RBFOX1: variants seen among roughly 807,000 people sequenced by gnomAD.
RBFOX1 encodes the protein RNA binding protein fox-1 homolog 1.
In RBFOX1, 8 loss-of-function variants were observed where a neutral mutation model predicts 57.7. That is an observed-to-expected ratio of 0.14 (90% CI 0.08 to 0.25). RBFOX1 has a LOEUF of 0.25. Ranked by LOEUF, RBFOX1 falls within the 10% of genes least tolerant of loss-of-function variation. RBFOX1 has a pLI of 1.00. For synonymous variants in RBFOX1, 326 were observed against 222.4 expected, an observed-to-expected ratio of 1.47 and a Z score of -4.15; for missense variants, 611 against 548.5, an observed-to-expected ratio of 1.11 and a Z score of -1.14.
chr16:7,308,728 C>T (rs1238785771), intron 4 of RBFOX1, among the ~76,000 whole-genome samples: 1 of 152,208 alleles, frequency 6.6e-6, no homozygotes, highest in Non-Finnish European at 1.5e-5. Context: ...GAAAGCGATT[C>T]TCAGTTCAGG....
At chr16:7,543,677 G>GTGTT (rs897476887) in intron 5 of RBFOX1, among the ~76,000 whole-genome samples, 7 of 7,198 alleles carry the variant, frequency 9.7e-4, no homozygotes, top group African/African-American at 5.4e-3. Flanking sequence ...CTGTGTGTGT[G>GTGTT]TGTGTGTGTG....
intron 14 of RBFOX1, chr16:7,693,473 AG>A (rs2077857615): frequency 2.5e-6 from 2 of 810,660 alleles, no homozygotes; most frequent in Non-Finnish European, 3.8e-6. Flanking sequence ...TAGAAAGTTT[AG>A]TTAAGAAAAA....
intron 14 of RBFOX1, among the ~76,000 whole-genome samples, chr16:7,708,324 A>G (rs533690525): frequency 2.2e-4 from 34 of 152,292 alleles, no homozygotes; most frequent in African/African-American, 7.7e-4. Context: ...TTTTTATCCT[A>G]AAGCCTATAC....
chr16:6,089,395 C>T (rs973059243), intron 1 of RBFOX1, among the ~76,000 whole-genome samples: 1 of 152,064 alleles, frequency 6.6e-6, no homozygotes, highest in Admixed American at 6.6e-5. Context: ...GATTCAGATG[C>T]ACTAAAGAAA....
chr16:7,305,704 A>G (rs1465049442), intron 4 of RBFOX1, among the ~76,000 whole-genome samples: 9 of 152,202 alleles, frequency 5.9e-5, no homozygotes. Flanking sequence ...TTTTCTATCA[A>G]GTTGGTTGAC....
intron 3 of RBFOX1, among the ~76,000 whole-genome samples, chr16:7,030,428 A>G (rs1369477085): frequency 2.0e-5 from 3 of 152,226 alleles, no homozygotes; most frequent in African/African-American, 7.2e-5. Context: ...TCTGAAATCA[A>G]AATGTCAGCA....
chr16:6,198,195 G>A (rs1168252004), intron 1 of RBFOX1, among the ~76,000 whole-genome samples: 2 of 152,144 alleles, frequency 1.3e-5, no homozygotes, highest in South Asian at 2.1e-4. Context: ...ACACAAGGAT[G>A]ATTTTTATCA....
intron 2 of RBFOX1, among the ~76,000 whole-genome samples, chr16:6,327,552 C>T (rs976447488): frequency 1.3e-5 from 2 of 151,906 alleles, no homozygotes; most frequent in Admixed American, 6.6e-5. Flanking sequence ...TGTTTATTTG[C>T]CCATAATGAG....
intron 2 of RBFOX1, among the ~76,000 whole-genome samples, chr16:6,347,592 G>C (rs1333332647): frequency 6.6e-6 from 1 of 152,170 alleles, no homozygotes; most frequent in Admixed American, 6.5e-5. Context: ...ATGCTAGCTG[G>C]GTGAAGGACG....
chr16:6,171,986 T>C (rs191762394), intron 1 of RBFOX1, among the ~76,000 whole-genome samples: 3 of 151,764 alleles, frequency 2.0e-5, no homozygotes, highest in Admixed American at 6.6e-5. Context: ...CACGCTTGGG[T>C]AATTTTTTGT....
chr16:7,332,330 C>T (rs973006076), intron 4 of RBFOX1, among the ~76,000 whole-genome samples: 4 of 152,212 alleles, frequency 2.6e-5, no homozygotes, highest in Non-Finnish European at 5.9e-5. Flanking sequence ...AACTCTGTCT[C>T]TCTGCGTAGC....
At chr16:7,073,271 A>T (rs1366152866) in intron 4 of RBFOX1, among the ~76,000 whole-genome samples, 1 of 152,174 alleles carries the variant, frequency 6.6e-6, no homozygotes, top group East Asian at 1.9e-4. Context: ...CAAAGCCTAA[A>T]ATTTCTACTA....
At chr16:5,869,962 A>T (rs1162988050) in intron 4 of RBFOX1, among the ~76,000 whole-genome samples, 2 of 152,152 alleles carry the variant, frequency 1.3e-5, no homozygotes, top group Admixed American at 6.6e-5. Flanking sequence ...ATAGTGGTGT[A>T]TTCATGCAAT....
chr16:7,455,530 G>C (rs1259592363), intron 4 of RBFOX1, among the ~76,000 whole-genome samples: 1 of 152,026 alleles, frequency 6.6e-6, no homozygotes, highest in Admixed American at 6.6e-5. Context: ...CGTGGCTCAT[G>C]CCTGTAATCC....
rs536682120 is a variant in RBFOX1, at chr16:6,456,025, A to G, written c.-64+138968A>G. ...ATCTAAGGATTCTGATAAAATGCAA[A>G]GAAAAGAAGAAAGAAAAAAAGAAAC... is the stretch of plus-strand genomic sequence containing the variant. On this transcript the variant is annotated intron_variant, in intron 2 of 15. Coordinates refer to ENST00000550418, the MANE Select transcript of RBFOX1 (RefSeq NM_018723.4). 1.5e-4 allele frequency among the ~76,000 whole-genome samples: 9 copies of G among 59,668 alleles called. No individual in the cohort carries two copies. In the East Asian group the frequency reaches 5.2e-3, roughly 35 times the overall value. 39.1% of individuals were successfully genotyped at this position (59,668 alleles called of 152,430 possible).
chr16:5,770,240 A>G (rs2053932212), intron 3 of RBFOX1, among the ~76,000 whole-genome samples: 1 of 152,222 alleles, frequency 6.6e-6, no homozygotes, highest in African/African-American at 2.4e-5. Flanking sequence ...GCTGATAAAA[A>G]TAGAATGCAA....
At chr16:5,419,853 C>T (rs914245909) in intron 1 of RBFOX1, among the ~76,000 whole-genome samples, 5 of 152,086 alleles carry the variant, frequency 3.3e-5, no homozygotes, top group South Asian at 2.1e-4. Flanking sequence ...GTGGGTGGCC[C>T]GTAGGAGCAG....
chr16:6,521,204 G>C (rs961925969), intron 2 of RBFOX1, among the ~76,000 whole-genome samples: 6 of 152,040 alleles, frequency 3.9e-5, no homozygotes, highest in Non-Finnish European at 8.8e-5. Context: ...TTAAATTATA[G>C]CAAATAGACA....
At chr16:7,007,359 T>C (rs74903933) in intron 3 of RBFOX1, among the ~76,000 whole-genome samples, 3,280 of 152,284 alleles carry the variant, frequency 0.022, 117 homozygotes, top group African/African-American at 0.073. Flanking sequence ...TGTACCTCAT[T>C]GCAGCTGGAG....
Sources: allele counts gnomAD v4.1 joint callset (sites outside exome capture counted in the v4.1 genomes callset), GRCh38; gene constraint gnomAD v4.1.1; transcripts MANE v1.5; gene names NCBI Gene and HGNC (gene_info 2026-07-23, HGNC 2026-07-21).